GALNT13: variants seen among roughly 807,000 people sequenced by gnomAD.
GALNT13 encodes polypeptide N-acetylgalactosaminyltransferase 13, also known as UDP-GalNAc:polypeptide N-acetylgalactosaminyltransferase 13.
In GALNT13, 28 loss-of-function variants were observed where a neutral mutation model predicts 64.2. The ratio of observed to expected loss-of-function variants is 0.44; its 90% CI spans 0.32 to 0.60. The LOEUF (loss-of-function observed/expected upper bound fraction) is 0.60. Ranked by LOEUF, GALNT13 falls within the 20% of genes least tolerant of loss-of-function variation. The pLI, the probability that GALNT13 is intolerant of heterozygous loss-of-function variation, is 0.05. For missense variants in GALNT13, 577 were observed against 669.8 expected, an observed-to-expected ratio of 0.86 and a Z score of 1.53; for synonymous variants, 214 against 224.6, an observed-to-expected ratio of 0.95 and a Z score of 0.42.
intron 3 of GALNT13, among the ~76,000 whole-genome samples, chr2:154,135,392 A>G (rs764493084): frequency 1.7e-4 from 26 of 152,194 alleles, no homozygotes; most frequent in Non-Finnish European, 3.5e-4. Flanking sequence ...TAGCTAATAT[A>G]TGCTAGACTT....
chr2:153,406,473 T>C, the GALNT13 span, among the ~76,000 whole-genome samples: 1 of 152,136 alleles, frequency 6.6e-6, no homozygotes, highest in Non-Finnish European at 1.5e-5. Flanking sequence ...AGTGGTCCGA[T>C]CCTGGCTCAC....
chr2:154,000,214 T>C (rs1695808210), intron 3 of GALNT13, among the ~76,000 whole-genome samples: 1 of 151,978 alleles, frequency 6.6e-6, no homozygotes, highest in African/African-American at 2.4e-5. Context: ...GTTTTTACTC[T>C]TTGTTTTTAG....
chr2:154,228,977 A>G (rs1688772526), intron 4 of GALNT13, among the ~76,000 whole-genome samples: 1 of 151,670 alleles, frequency 6.6e-6, no homozygotes, highest in African/African-American at 2.4e-5. Context: ...CTGCTACCAA[A>G]CTCTACAAAT....
At chr2:154,091,294 T>C (rs1441535409) in intron 3 of GALNT13, among the ~76,000 whole-genome samples, 54 of 151,920 alleles carry the variant, frequency 3.6e-4, no homozygotes, top group Admixed American at 3.5e-3. Context: ...ATAAGGAAAT[T>C]TTATTTATAT....
the GALNT13 span, among the ~76,000 whole-genome samples, chr2:153,547,400 A>G: frequency 6.6e-6 from 1 of 152,244 alleles, no homozygotes; most frequent in Non-Finnish European, 1.5e-5. Context: ...AGATAAATTC[A>G]TCAGTGCCAC....
rs147644624 is a variant in GALNT13 at position 153,918,615 on chromosome 2, C to T, written c.-105+17608C>T. On this transcript the variant is annotated intron_variant, in intron 2 of 12. Coordinates refer to ENST00000392825, the MANE Select transcript of GALNT13 (RefSeq NM_052917.4). ...TTTTATTCTCCCCTTCTATTGATGC[C>T]TCTTCCTCTATAAACCAATTCTTTC... Among the ~76,000 whole-genome samples, 832 of 152,238 alleles carry T rather than the reference C, an allele frequency of 5.5e-3. 5 individuals are homozygous for T. Among genetic ancestry groups the T allele is most frequent in the African/African-American group, 0.018 (764 of 41,560 alleles).
intron 2 of GALNT13, among the ~76,000 whole-genome samples, chr2:153,922,597 G>T (rs892069198): frequency 2.0e-5 from 3 of 152,064 alleles, no homozygotes; most frequent in African/African-American, 7.2e-5. Context: ...ACCAATTATA[G>T]AGACTAATTT....
At chr2:153,290,256 A>G in the GALNT13 span, among the ~76,000 whole-genome samples, 1 of 152,300 alleles carries the variant, frequency 6.6e-6, no homozygotes, top group South Asian at 2.1e-4. Context: ...TTTTGGTAAG[A>G]AACAGGCTAG....
At chr2:154,094,938 A>G (rs1702002152) in intron 3 of GALNT13, among the ~76,000 whole-genome samples, 1 of 151,948 alleles carries the variant, frequency 6.6e-6, no homozygotes, top group Non-Finnish European at 1.5e-5. Context: ...TTGTCACCAC[A>G]TAATGCCTTC....
the GALNT13 span, among the ~76,000 whole-genome samples, chr2:153,372,885 C>T: frequency 2.6e-5 from 4 of 152,276 alleles, no homozygotes; most frequent in East Asian, 7.7e-4. Flanking sequence ...ATGTCAATAA[C>T]TGTGCCTTTG....
At chr2:153,571,980 T>C in the GALNT13 span, among the ~76,000 whole-genome samples, 1 of 151,888 alleles carries the variant, frequency 6.6e-6, no homozygotes, top group Non-Finnish European at 1.5e-5. Context: ...TTTGGAAATA[T>C]TCTGTCCTTC....
the GALNT13 span, among the ~76,000 whole-genome samples, chr2:153,621,044 C>T: frequency 2.0e-5 from 3 of 152,094 alleles, no homozygotes; most frequent in East Asian, 1.9e-4. Flanking sequence ...AGACAAGATC[C>T]GAGAGAATTC....
chr2:154,235,759 C>T (rs1427924621), intron 4 of GALNT13, among the ~76,000 whole-genome samples: 2 of 152,030 alleles, frequency 1.3e-5, no homozygotes, highest in African/African-American at 4.8e-5. Context: ...ATCATGGATC[C>T]TTTGTGATTT....
chr2:154,090,989 A>G (rs1489751775), intron 3 of GALNT13, among the ~76,000 whole-genome samples: 1 of 151,938 alleles, frequency 6.6e-6, no homozygotes, highest in Non-Finnish European at 1.5e-5. Context: ...AAGATGAAAA[A>G]AAAACCTCAG....
At chr2:153,624,531 G>C in the GALNT13 span, among the ~76,000 whole-genome samples, 7 of 152,110 alleles carry the variant, frequency 4.6e-5, no homozygotes, top group African/African-American at 1.7e-4. Flanking sequence ...GTCCCAGACA[G>C]CACCTTCACA....
At chr2:153,129,880 G>A in the GALNT13 span, among the ~76,000 whole-genome samples, 1 of 152,098 alleles carries the variant, frequency 6.6e-6, no homozygotes, top group African/African-American at 2.4e-5. Context: ...ATAGAATAAA[G>A]CAACACATAC....
chr2:153,448,643 A>T, the GALNT13 span, among the ~76,000 whole-genome samples: 2 of 152,078 alleles, frequency 1.3e-5, no homozygotes, highest in South Asian at 2.1e-4. Flanking sequence ...TCCAGGTTCC[A>T]TTAAAAATCA....
the GALNT13 span, among the ~76,000 whole-genome samples, chr2:153,154,748 C>G: frequency 2.0e-5 from 3 of 152,050 alleles, no homozygotes; most frequent in Non-Finnish European, 2.9e-5. Context: ...ATTGCCCTGG[C>G]CAGAACTTCC....
the GALNT13 span, among the ~76,000 whole-genome samples, chr2:153,638,100 G>C: frequency 6.6e-6 from 1 of 151,352 alleles, no homozygotes; most frequent in Non-Finnish European, 1.5e-5. Context: ...CCAAGAAGAG[G>C]GAGGGGAATG....
Sources: gnomAD v4.1 joint callset for allele counts (sites outside exome capture counted in the v4.1 genomes callset) on GRCh38, gnomAD v4.1.1 for gene constraint, MANE v1.5 for transcripts, NCBI Gene and HGNC (gene_info 2026-07-23, HGNC 2026-07-21) for gene names.